The following LMTK3 variants were observed in gnomAD, a reference collection of about 807,000 sequenced individuals.
LMTK3 encodes lemur tail kinase 3.
In LMTK3, 27 loss-of-function variants were observed where a neutral mutation model predicts 116.7. The observed-to-expected ratio is 0.23, with a 90% CI of 0.17 to 0.32. The LOEUF is 0.32. LMTK3 is among the 10% of genes least tolerant of loss of function. LMTK3 has a pLI of 1.00. For missense variants in LMTK3, 1,764 were observed against 2,068.5 expected (o/e 0.85, Z 2.86); for synonymous variants, 965 against 971.0 (o/e 0.99, Z 0.11).
upstream of LMTK3, among the ~76,000 whole-genome samples, chr19:48,512,663 CAT>C (rs1378456033): frequency 3.3e-5 from 5 of 151,872 alleles, no homozygotes; most frequent in African/African-American, 9.7e-5. Context: ...TACACAGAAA[CAT>C]AATACATGCA....
chr19:48,502,947 T>C lies in LMTK3; in HGVS notation c.607A>G (p.Thr203Ala). Reference protein sequence around the residue: ...VLQCLGLCVETLPFLLIMEFC... With the variant: ...VLQCLGLCVEALPFLLIMEFC... ...TCCATAATCAGCAGAAACGGCAGCG[T>C]CTCCACGCACAGACCCAGGCACTGG... Residue 203 changes from threonine (T) to alanine (A), a missense_variant, in exon 6 of 15, where the codon ACG becomes GCG. By Grantham distance (58) the Thr-to-Ala change is moderately conservative. Coordinates refer to ENST00000600059, the MANE Select transcript of LMTK3 (RefSeq NM_001388485.1). The C allele has an allele frequency of 6.2e-7, 1 of 1,612,904 alleles. No individual in the cohort carries two copies. Among genetic ancestry groups the C allele is most frequent in the Non-Finnish European group, 8.5e-7 (1 of 1,179,584 alleles).
intron 4 of LMTK3, among the ~76,000 whole-genome samples, 155 bp downstream of exon 4, chr19:48,509,282 C>T (rs1278514450): frequency 7.2e-6 from 1 of 138,596 alleles, no homozygotes; most frequent in Non-Finnish European, 1.6e-5. Flanking sequence ...GGGTGGGAGC[C>T]GGTGAGAGGT....
Position 48,497,964 on chromosome 19 carries a change from C to A in LMTK3, c.3105G>T (p.Glu1035Asp). ...RAPGPWEKTP[E>D]SWGPAPTIGE... The stretch of plus-strand genomic sequence containing the variant: ...CGATCGTGGGGGCTGGACCCCAACT[C>A]TCGGGCGTCTTCTCCCAGGGCCCTG... The change falls in exon 11 of 15, where the codon GAG (glutamate) becomes GAT (aspartate). Residue 1035 changes from glutamate (E) to aspartate (D), a missense_variant. Physicochemically the swap from Glu to Asp is conservative, Grantham distance 45. Transcript: ENST00000600059. This position sits in a 1 kb window ranked among gnomAD's most constrained non-coding sequence, Gnocchi z 5.7. 1 of 1,594,010 alleles carries A rather than the reference C, an allele frequency of 6.3e-7. No homozygotes were observed. Among genetic ancestry groups the A allele is most frequent in the South Asian group, 1.1e-5 (1 of 88,902 alleles).
chr19:48,490,672 C>T (rs1284836838), intron 14 of LMTK3, among the ~76,000 whole-genome samples: 2 of 152,216 alleles, frequency 1.3e-5, no homozygotes, highest in Admixed American at 1.3e-4. Context: ...CTCTAACCCC[C>T]AGCTGTGTCC....
chr19:48,513,474 T>C (rs1972693453), upstream of LMTK3: 3 of 412,286 alleles, frequency 7.3e-6, no homozygotes, highest in Non-Finnish European at 1.3e-5. This position sits in a 1 kb window ranked among gnomAD's most constrained non-coding sequence, Gnocchi z 5.6. Context: ...AGGACACACA[T>C]ACATCACGTG....
chr19:48,504,438 G>A (rs1216657012), intron 5 of LMTK3, among the ~76,000 whole-genome samples: 2 of 152,232 alleles, frequency 1.3e-5, no homozygotes, highest in Non-Finnish European at 1.5e-5. Context: ...ATGGGACAGC[G>A]ATAACAACTT....
rs1353323796 is a variant in LMTK3, at chr19:48,499,106, T to C, written c.1963A>G (p.Ser655Gly). The C allele has an allele frequency of 1.3e-6, 2 of 1,558,538 alleles. No individual in the cohort carries two copies. The highest frequency in any genetic ancestry group is 1.2e-5 in the South Asian group (1 of 84,740). Residue 655 changes from serine (S) to glycine (G), a missense_variant, in exon 11 of 15, where the codon AGC becomes GGC. By Grantham distance (56) the Ser-to-Gly change is moderately conservative. Transcript: ENST00000600059. The part of the protein sequence containing the change: ...EEGSSPGEDS[S>G]SLGGGPSRRG... Reference sequence around the variant, plus strand: ...CGGCTTGGGCCACCTCCAAGGCTGCTGCTGTCTTCCCCTGGGGAGCTGCCC... The same window carrying C: ...CGGCTTGGGCCACCTCCAAGGCTGCCGCTGTCTTCCCCTGGGGAGCTGCCC...
At position 48,499,196 on chromosome 19, in the gene LMTK3, G is replaced by C. The variant is rs1375980533; in HGVS notation, c.1873C>G (p.Pro625Ala). ...CCCCGCTCCCCCAAGACCTCGGCAG[G>C]GTCTCCCGCCAGGGTCTCCCCGGCG... ...RGAGETLAGD[P>A]AEVLGERGTA... The change falls in exon 11 of 15, where the codon CCT becomes GCT. Residue 625 changes from proline (P) to alanine (A), a missense_variant. By Grantham distance (27) the Pro-to-Ala change is conservative. Transcript: ENST00000600059. 1.4e-6 allele frequency: 2 copies of C among 1,449,548 alleles called. No individual in the cohort carries two copies. Among genetic ancestry groups the C allele is most frequent in the South Asian group, 1.4e-5 (1 of 71,246 alleles). The allele number at this position is 1,449,548 out of a possible 1,614,324, so 89.8% of individuals were successfully genotyped here.
chr19:48,495,465 C>T (rs1343351338), intron 11 of LMTK3, among the ~76,000 whole-genome samples: 1 of 152,154 alleles, frequency 6.6e-6, no homozygotes, highest in Non-Finnish European at 1.5e-5. Flanking sequence ...CCTCTTTTCA[C>T]CCCCCAATCC....
At chr19:48,492,267 C>G (rs1400620584) in intron 12 of LMTK3, among the ~76,000 whole-genome samples, 1 of 152,216 alleles carries the variant, frequency 6.6e-6, no homozygotes, top group Admixed American at 6.5e-5. Flanking sequence ...TGGCTCAATG[C>G]AGCCTCAACC....
At chr19:48,487,031 ATTTTTTTTTT>A (rs34242861) in intron 14 of LMTK3, among the ~76,000 whole-genome samples, 2 of 118,402 alleles carry the variant, frequency 1.7e-5, no homozygotes, top group African/African-American at 3.2e-5. Flanking sequence ...ACACCCGGCT[ATTTTTTTTTT>A]TTTTTTTTTT....
intron 14 of LMTK3, among the ~76,000 whole-genome samples, chr19:48,486,281 G>A (rs1362005079): frequency 6.7e-6 from 1 of 150,344 alleles, no homozygotes; most frequent in Non-Finnish European, 1.5e-5. Context: ...GGATGGTCTC[G>A]ACCTCCTGAC....
At chr19:48,508,778 C>A in intron 5 of LMTK3, 73 bp downstream of exon 5, 7 of 1,142,140 alleles carry the variant, frequency 6.1e-6, no homozygotes, top group Non-Finnish European at 8.0e-6. Flanking sequence ...CCAGGTGTGA[C>A]CCCATACAGC....
Position 48,491,433 on chromosome 19 carries a change from T to C in LMTK3, c.4199A>G (p.Asp1400Gly). ...GCCGCTGTCGTTGCTGGGAAACCCA[T>C]CTCCGGGGGTGGCGGGGTGGGGAGG... ...PTPPHPATPG[D>G]GFPSNDSGFG... The change falls in exon 13 of 15, where the codon GAT becomes GGT. Residue 1400 changes from aspartate to glycine, a missense_variant. Asp to Gly is a moderately conservative substitution (Grantham distance 94, BLOSUM62 -1). Coordinates refer to ENST00000600059, the MANE Select transcript of LMTK3 (RefSeq NM_001388485.1). The surrounding 1 kb of genome is among the most constrained non-coding windows in gnomAD (Gnocchi z 5.1). The C allele has an allele frequency of 7.3e-7, 1 of 1,374,732 alleles. No homozygotes were observed. The highest frequency in any genetic ancestry group is 1.5e-5 in the South Asian group (1 of 64,800). The allele number at this position is 1,374,732 out of a possible 1,614,324, so 85.2% of individuals were successfully genotyped here.
Position 48,501,411 on chromosome 19 carries a change from G to A in LMTK3, c.880-7C>T, listed in dbSNP as rs1282913956. On this transcript the variant is annotated splice_region_variant and splice_polypyrimidine_tract_variant and intron_variant, in intron 8 of 14. Coordinates refer to ENST00000600059, the MANE Select transcript of LMTK3 (RefSeq NM_001388485.1). Reference sequence around the variant, plus strand: ...GGGTCAGGTAGTAGTCCTCCTGAGGGAACCAGGGCGGTGTCAGGCGGGTCA... The same window carrying A: ...GGGTCAGGTAGTAGTCCTCCTGAGGAAACCAGGGCGGTGTCAGGCGGGTCA... The A allele has an allele frequency of 6.2e-7, 1 of 1,612,830 alleles. No homozygotes were observed. Among genetic ancestry groups the A allele is most frequent in the South Asian group, 1.1e-5 (1 of 91,066 alleles).
At position 48,500,912 on chromosome 19, in the gene LMTK3, G is replaced by A. The variant is rs934234611; in HGVS notation, c.1151+84C>T. The A allele has an allele frequency of 3.1e-5, 41 of 1,343,444 alleles. No homozygotes were observed. The African/African-American group carries it at 5.8e-4, about 19-fold the overall frequency. 83.2% of individuals were successfully genotyped at this position (1,343,444 alleles called of 1,614,324 possible). On this transcript the variant is annotated intron_variant, in intron 10 of 14. Transcript: ENST00000600059. The surrounding 1 kb of genome is among the most constrained non-coding windows in gnomAD (Gnocchi z 4.0). ...GGTATGGAGGGCAAACGGGATGTGG[G>A]TGATGTGGGAAACGAGGGGGGATGC...
At position 48,501,675 on chromosome 19, in the gene LMTK3, T is replaced by TCTG. The variant is rs1328720140; in HGVS notation, c.795-116_795-114dup. ...CATGACCCTGCCCCGCCACACTGAC[T>TCTG]CTGCCCCTTCCCTCTGATCTGTCTC... On this transcript the variant is annotated intron_variant, in intron 7 of 14. Transcript: ENST00000600059. 3 of 1,031,138 alleles carry TCTG rather than the reference T, an allele frequency of 2.9e-6. No homozygotes were observed. In the African/African-American group the frequency reaches 5.0e-5, roughly 17 times the overall value. 63.9% of individuals were successfully genotyped at this position (1,031,138 alleles called of 1,614,324 possible).
In LMTK3 at chr19:48,491,119, G is replaced by A. The variant is rs764330601; in HGVS notation, c.4355C>T (p.Ala1452Val). The A allele has an allele frequency of 7.3e-7, 1 of 1,373,164 alleles. No homozygotes were observed. Among genetic ancestry groups the A allele is most frequent in the Non-Finnish European group, 9.4e-7 (1 of 1,064,016 alleles). The allele number at this position is 1,373,164 out of a possible 1,614,324, so 85.1% of individuals were successfully genotyped here. Residue 1452 changes from alanine (A) to valine (V), a missense_variant, in exon 14 of 15, where the codon GCC becomes GTC. Transcript: ENST00000600059. This position sits in a 1 kb window ranked among gnomAD's most constrained non-coding sequence, Gnocchi z 5.1. ...CGAGGATATGGTACCTGCGGGCCGG[G>A]CGTCGGGGGCCCGGGCGGGTGGCCC... ...TPGPPARAPD[A>V]RPAGPVEN
In LMTK3 at chr19:48,499,588, GC is replaced by G; in HGVS notation, c.1480del (p.Ala494HisfsTer41). ...GGCCGACGCCGGCTGCCAGGCAGGTGCCCCCCCACCCCGGCCGGCCCCACGC... is the reference window on the plus strand; with the variant it reads ...GGCCGACGCCGGCTGCCAGGCAGGTGCCCCCCACCCCGGCCGGCCCCACGC... ...ARRGAGRGGG[A>X]PAWQPASAPP... On this transcript the variant is annotated frameshift_variant, in exon 11 of 15. Transcript: ENST00000600059. LOFTEE classifies it high-confidence loss of function. The G allele has an allele frequency of 2.0e-6, 3 of 1,535,594 alleles. No individual in the cohort carries two copies. The highest frequency in any genetic ancestry group is 4.2e-5 in the Admixed American group (2 of 47,250).
Sources: allele counts gnomAD v4.1 joint callset (sites outside exome capture counted in the v4.1 genomes callset), GRCh38; gene constraint gnomAD v4.1.1; non-coding constraint Gnocchi (gnomAD v3.1); transcripts MANE v1.5; gene names NCBI Gene and HGNC (gene_info 2026-07-23, HGNC 2026-07-21).